THOC6: variants seen among roughly 807,000 people sequenced by gnomAD.
The protein encoded by THOC6 is THO complex subunit 6.
Under a neutral mutation model 55.8 loss-of-function variants are expected in THOC6, and 39 were observed. The observed-to-expected ratio is 0.70, with a 90% CI of 0.54 to 0.91. THOC6 has a LOEUF of 0.91. Among genes scored for constraint, THOC6 ranks in the 40% least tolerant of loss-of-function variants. The probability of loss-of-function intolerance (pLI) is 0.00; values close to 1 mark genes in which losing one functional copy is unlikely to be tolerated. For synonymous variants in THOC6, 192 were observed against 175.6 expected (o/e 1.09, Z -0.74); for missense variants, 482 against 442.0 (o/e 1.09, Z -0.81).
At position 3,024,256 on chromosome 16, in the gene THOC6, C is replaced by G. The variant is rs1567412838; in HGVS notation, c.-71C>G. ...GGCGGTAGGGCGCCACGGAGAGGAACCGCTCTAGGCACGTAAGGCCTCGTG... is the reference window on the plus strand; with the variant it reads ...GGCGGTAGGGCGCCACGGAGAGGAAGCGCTCTAGGCACGTAAGGCCTCGTG... On this transcript the variant is annotated 5_prime_UTR_variant, in exon 1 of 13. Transcript: ENST00000326266. 1 of 1,600,252 alleles carries G rather than the reference C, an allele frequency of 6.2e-7. No individual in the cohort carries two copies. Among genetic ancestry groups the G allele is most frequent in the Non-Finnish European group, 8.6e-7 (1 of 1,168,516 alleles).
Position 3,026,354 on chromosome 16 carries a change from T to C in THOC6, c.363-11T>C. On this transcript the variant is annotated splice_polypyrimidine_tract_variant and intron_variant, in intron 5 of 12. Transcript: ENST00000326266. ...GCCACTTCCTCACTGACCTTGCCTTTCCTTCCCCAGGACCAGCCTGGAAGT... is the reference window on the plus strand; with the variant it reads ...GCCACTTCCTCACTGACCTTGCCTTCCCTTCCCCAGGACCAGCCTGGAAGT... 6.2e-7 allele frequency: 1 copy of C among 1,614,064 alleles called. No homozygotes were observed. Among genetic ancestry groups the C allele is most frequent in the Non-Finnish European group, 8.5e-7 (1 of 1,180,032 alleles).
intron 1 of THOC6, 125 bp downstream of exon 1, chr16:3,024,490 G>A: frequency 8.4e-7 from 1 of 1,196,494 alleles, no homozygotes; most frequent in Non-Finnish European, 1.2e-6. Flanking sequence ...CTCAGACTCT[G>A]ACCAGGGGGG....
intron 11 of THOC6, 41 bp downstream of exon 11, chr16:3,027,321 T>C (rs1277796293): frequency 6.2e-7 from 1 of 1,614,120 alleles, no homozygotes; most frequent in East Asian, 2.2e-5. Flanking sequence ...CCACTGACTC[T>C]TCCCTTCAGT....
chr16:3,025,762 G>T lies in THOC6; in HGVS notation c.94G>T (p.Val32Phe). The T allele has an allele frequency of 6.2e-7, 1 of 1,614,216 alleles. No homozygotes were observed. The highest frequency in any genetic ancestry group is 1.1e-5 in the South Asian group (1 of 91,084). The change falls in exon 2 of 13, where the codon GTC becomes TTC. Residue 32 changes from valine to phenylalanine, a missense_variant. Coordinates refer to ENST00000326266, the MANE Select transcript of THOC6 (RefSeq NM_024339.5). ...CCATATGACCATCTTCTCCCAGAGCGTCTCACCATGTGGGAAGTTTCTGGC... is the reference window on the plus strand; with the variant it reads ...CCATATGACCATCTTCTCCCAGAGCTTCTCACCATGTGGGAAGTTTCTGGC... Reference protein sequence around the residue: ...RLHMTIFSQSVSPCGKFLAAG... With the variant: ...RLHMTIFSQSFSPCGKFLAAG...
Position 3,026,527 on chromosome 16 carries a change from C to T in THOC6, c.423C>T (p.Leu141=), listed in dbSNP as rs951582788. The change falls in exon 7 of 13, where the codon CTC becomes CTT. Residue 141 remains leucine (L), a synonymous_variant. Transcript: ENST00000326266. ...CTGCTCCTCCACAGGAGAATTCCCT[C>T]ATCCTGGCTGGGGGAGACTGTCAGT... is the stretch of plus-strand genomic sequence containing the variant. The part of the protein sequence containing the change: ...ALLLVPKENS[L]ILAGGDCQLH... The T allele has an allele frequency of 3.1e-6, 5 of 1,614,050 alleles. No individual in the cohort carries two copies. The Admixed American group carries it at 5.0e-5, about 16-fold the overall frequency.
chr16:3,025,013 G>A (rs2072748994), intron 1 of THOC6, among the ~76,000 whole-genome samples: 1 of 146,294 alleles, frequency 6.8e-6, no homozygotes, highest in South Asian at 2.1e-4. Flanking sequence ...CTCCATCTGG[G>A]TTCACCGCAA....
Position 3,027,410 on chromosome 16 carries a change from G to A in THOC6, c.855G>A (p.Leu285=), listed in dbSNP as rs748740332. 6.2e-7 allele frequency: 1 copy of A among 1,612,546 alleles called. No individual in the cohort carries two copies. The highest frequency in any genetic ancestry group is 8.5e-7 in the Non-Finnish European group (1 of 1,179,620). The change falls in exon 12 of 13, where the codon CTG becomes CTA. Residue 285 remains leucine, a synonymous_variant. Coordinates refer to ENST00000326266, the MANE Select transcript of THOC6 (RefSeq NM_024339.5). ...GQGRCVNQWQ[L]SGELKAQVPG... is the part of the protein sequence containing the mutation. ...GCCGCTGCGTCAACCAGTGGCAGCT[G>A]AGCGGGGAGCTGAAGGCCCAGGTGC...
chr16:3,026,424 C>T lies in THOC6; in HGVS notation c.411+11C>T. The stretch of plus-strand genomic sequence containing the variant: ...CTGCTGGTCCCCAAGGTCTGAGCCC[C>T]ATGTGACTGTTCTTGGTCCAAACTT... On this transcript the variant is annotated intron_variant, in intron 6 of 12. Coordinates refer to ENST00000326266, the MANE Select transcript of THOC6 (RefSeq NM_024339.5). The T allele has an allele frequency of 1.2e-6, 2 of 1,614,146 alleles. No homozygotes were observed. The highest frequency in any genetic ancestry group is 1.7e-6 in the Non-Finnish European group (2 of 1,180,022).
At position 3,024,134 on chromosome 16, in the gene THOC6, T is replaced by G; in HGVS notation, c.-193T>G. ...GGGAGGGTATCCGGCTTAAGGGGGC[T>G]GCGGTGGACACCACTTCTTAATGTC... is the stretch of plus-strand genomic sequence containing the variant. On this transcript the variant is annotated 5_prime_UTR_variant, in exon 1 of 13. Transcript: ENST00000326266. The G allele has an allele frequency of 2.8e-6, 2 of 723,590 alleles. No homozygotes were observed. Among genetic ancestry groups the G allele is most frequent in the Non-Finnish European group, 4.6e-6 (2 of 436,824 alleles). 44.8% of individuals were successfully genotyped at this position (723,590 alleles called of 1,614,324 possible).
At position 3,026,089 on chromosome 16, in the gene THOC6, G is replaced by A. The variant is rs761816614; in HGVS notation, c.247G>A (p.Val83Ile). 6.2e-6 allele frequency: 10 copies of A among 1,610,118 alleles called. No homozygotes were observed. The highest frequency in any genetic ancestry group is 1.3e-5 in the African/African-American group (1 of 74,816). Residue 83 changes from valine to isoleucine, a missense_variant, in exon 4 of 13, where the codon GTT (valine) becomes ATT (isoleucine). Val to Ile is a conservative substitution (Grantham distance 29). Transcript: ENST00000326266. The stretch of plus-strand genomic sequence containing the variant: ...CCATGATGGGCCCGTCTATAGCATG[G>A]TTTCCACCGATCGACATCTGCTTAG... The part of the protein sequence containing the change: ...QAHDGPVYSM[V>I]STDRHLLSAG...
At chr16:3,026,201 C>T in intron 4 of THOC6, 35 bp downstream of exon 4, 1 of 1,613,696 alleles carries the variant, frequency 6.2e-7, no homozygotes, top group South Asian at 1.1e-5. Flanking sequence ...GCTGGGGTGC[C>T]TGGACCCAGA....
In THOC6 at chr16:3,026,036, C is replaced by T. The variant is rs1363603322; in HGVS notation, c.221-27C>T. 8.1e-6 allele frequency: 13 copies of T among 1,614,026 alleles called. No individual in the cohort carries two copies. In the South Asian group the frequency reaches 1.4e-4, roughly 18 times the overall value. On this transcript the variant is annotated intron_variant, in intron 3 of 12. Transcript: ENST00000326266. ...GCTTCAGGACTTTGGGTGGGATTGG[C>T]TCACTCAGTTCTGCATTTCTCTTTA...
Position 3,027,265 on chromosome 16 carries a change from C to T in THOC6, c.795C>T (p.Thr265=). The change falls in exon 11 of 13, where the codon ACC becomes ACT. Residue 265 remains threonine, a synonymous_variant. Transcript: ENST00000326266. Reference sequence around the variant, plus strand: ...TCCGGGCGCCACAGAAGCACGTCACCTTCTACCAGGACCTGGTGAGGCCCT... The same window carrying T: ...TCCGGGCGCCACAGAAGCACGTCACTTTCTACCAGGACCTGGTGAGGCCCT... ...FPIRAPQKHV[T]FYQDLILSAG... 5 of 1,614,220 alleles carry T rather than the reference C, an allele frequency of 3.1e-6. No homozygotes were observed. The highest frequency in any genetic ancestry group is 4.2e-6 in the Non-Finnish European group (5 of 1,180,050).
chr16:3,025,719 C>G lies in THOC6; in HGVS notation c.51C>G (p.Phe17Leu). The G allele has an allele frequency of 6.2e-7, 1 of 1,614,022 alleles. No homozygotes were observed. Among genetic ancestry groups the G allele is most frequent in the South Asian group, 1.1e-5 (1 of 91,078 alleles). The change falls in exon 2 of 13, where the codon TTC (phenylalanine) becomes TTG (leucine). Residue 17 changes from phenylalanine to leucine, a missense_variant. Physicochemically the swap from Phe to Leu is conservative, Grantham distance 22. Coordinates refer to ENST00000326266, the MANE Select transcript of THOC6 (RefSeq NM_024339.5). ...GTCTTTCCCTGCAGACAGAGGTGTT[C>G]CAGGCCTTGCAGCGGCTCCATATGA... ...LAVPLGQTEV[F>L]QALQRLHMTI...
rs1233849588 is a variant in THOC6 at position 3,026,239 on chromosome 16, T to C, written c.325-12T>C. ...GAGCCTTTGAGGTCACCTGGTATTT[T>C]CTCTTTTGAAGGGCTGTAAGGAGCT... is the stretch of plus-strand genomic sequence containing the variant. On this transcript the variant is annotated splice_polypyrimidine_tract_variant and intron_variant, in intron 4 of 12. Coordinates refer to ENST00000326266, the MANE Select transcript of THOC6 (RefSeq NM_024339.5). The C allele has an allele frequency of 1.2e-6, 2 of 1,613,968 alleles. No individual in the cohort carries two copies. Among genetic ancestry groups the C allele is most frequent in the African/African-American group, 2.7e-5 (2 of 74,872 alleles).
chr16:3,024,460 T>A, intron 1 of THOC6, 95 bp downstream of exon 1: 1 of 1,504,526 alleles, frequency 6.6e-7, no homozygotes, highest in Non-Finnish European at 9.2e-7. Context: ...AGCCCTGTTT[T>A]GCCTGGGCTA....
intron 8 of THOC6, 23 bp downstream of exon 8, chr16:3,026,804 G>C: frequency 6.2e-7 from 1 of 1,613,938 alleles, no homozygotes; most frequent in Non-Finnish European, 8.5e-7. Flanking sequence ...CTGGTTGGAG[G>C]GCAAGATGGC....
intron 8 of THOC6, 31 bp from the exon 9 acceptor site, chr16:3,026,836 T>A: frequency 6.2e-7 from 1 of 1,614,108 alleles, no homozygotes; most frequent in East Asian, 2.2e-5. Flanking sequence ...CTGAGGCAAG[T>A]GGGGCACCAC....
Position 3,025,980 on chromosome 16 carries a change from C to G in THOC6, c.212C>G (p.Thr71Ser). ...GAGGAAAGTAAGAAGCCGGTGGTGA[C>G]TTTCCAAGGTGGGTATACCTGTGGA... ...AKEESKKPVV[T>S]FQAHDGPVYS... The change falls in exon 3 of 13, where the codon ACT becomes AGT. Residue 71 changes from threonine (T) to serine (S), a missense_variant. Physicochemically the swap from Thr to Ser is moderately conservative, Grantham distance 58. Coordinates refer to ENST00000326266, the MANE Select transcript of THOC6 (RefSeq NM_024339.5). The G allele has an allele frequency of 6.2e-7, 1 of 1,614,228 alleles. No individual in the cohort carries two copies. Among genetic ancestry groups the G allele is most frequent in the Non-Finnish European group, 8.5e-7 (1 of 1,180,048 alleles).
Sources: allele counts gnomAD v4.1 joint callset (sites outside exome capture counted in the v4.1 genomes callset), GRCh38; gene constraint gnomAD v4.1.1; transcripts MANE v1.5; gene names NCBI Gene and HGNC (gene_info 2026-07-23, HGNC 2026-07-21).